NLRP1: variants seen among roughly 807,000 people sequenced by gnomAD.
NLRP1 encodes NACHT, LRR and PYD domains-containing protein 1.
NLRP1 carries 94 observed loss-of-function variants against 136.7 expected under a neutral mutation model. That is an observed-to-expected ratio of 0.69 (90% CI 0.58 to 0.82). The LOEUF (loss-of-function observed/expected upper bound fraction) is 0.82. Among genes scored for constraint, NLRP1 ranks in the 40% least tolerant of loss-of-function variants. NLRP1 has a pLI of 0.00. For synonymous variants in NLRP1, 690 were observed against 725.1 expected (o/e 0.95, Z 0.78); for missense variants, 1,575 against 1,802.7 (o/e 0.87, Z 2.29).
At chr17:5,507,406 G>C (rs1420151077) in intron 15 of NLRP1, among the ~76,000 whole-genome samples, 1 of 152,142 alleles carries the variant, frequency 6.6e-6, no homozygotes, top group African/African-American at 2.4e-5. Flanking sequence ...AAAGAATCAA[G>C]AAATTCAGCC....
intron 5 of NLRP1, among the ~76,000 whole-genome samples, chr17:5,551,139 C>T (rs8077225): frequency 0.068 from 10,280 of 152,158 alleles, 468 homozygotes; most frequent in African/African-American, 0.12. Context: ...TGAACGATTA[C>T]AGTATATAGA....
intron 8 of NLRP1, 116 bp from the exon 9 acceptor site, chr17:5,534,104 G>A (rs896494014): frequency 3.8e-5 from 30 of 782,270 alleles, no homozygotes; most frequent in East Asian, 9.9e-5. Context: ...GCTCATGTCT[G>A]TAATCCTCGC....
rs984337509 is a variant in NLRP1, at chr17:5,582,566, C to G, written c.448+104G>C. 3 of 1,098,306 alleles carry G rather than the reference C, an allele frequency of 2.7e-6. No individual in the cohort carries two copies. The African/African-American group carries it at 4.7e-5, about 17-fold the overall frequency. 68.0% of individuals were successfully genotyped at this position (1,098,306 alleles called of 1,614,324 possible). A position where few individuals can be genotyped will look rare whatever the true frequency, so the allele number is the denominator to read the frequency against. ...GGCTCCCCTATCCTTCCTCTGCTGTCCCCCATGTCAGGTCCCCATGCACAG... is the reference window on the plus strand; with the variant it reads ...GGCTCCCCTATCCTTCCTCTGCTGTGCCCCATGTCAGGTCCCCATGCACAG... On this transcript the variant is annotated intron_variant, in intron 2 of 16. Coordinates refer to ENST00000572272, the MANE Select transcript of NLRP1 (RefSeq NM_033004.4).
intron 4 of NLRP1, among the ~76,000 whole-genome samples, chr17:5,555,017 T>TCACA (rs55705436): frequency 0.06 from 8,518 of 142,244 alleles, 413 homozygotes; most frequent in African/African-American, 0.13. Context: ...TGAGATCCCA[T>TCACA]CACACACACA....
chr17:5,559,616 G>T lies in NLRP1; in HGVS notation c.1080C>A (p.Arg360=). The stretch of plus-strand genomic sequence containing the variant: ...AGCTGAAGTAGAAGACATGCTGGAA[G>T]CGGTCCCCATACAGCTGGCCTCTCC... ...AWGRGQLYGD[R]FQHVFYFSCR... is the part of the protein sequence containing the mutation. The change falls in exon 4 of 17, where the codon CGC becomes CGA. Residue 360 remains arginine (R), a synonymous_variant. Coordinates refer to ENST00000572272, the MANE Select transcript of NLRP1 (RefSeq NM_033004.4). 3 of 1,614,234 alleles carry T rather than the reference G, an allele frequency of 1.9e-6. No homozygotes were observed. Among genetic ancestry groups the T allele is most frequent in the Non-Finnish European group, 2.5e-6 (3 of 1,180,044 alleles).
At chr17:5,552,505 C>T (rs1294199864) in intron 5 of NLRP1, among the ~76,000 whole-genome samples, 2 of 152,170 alleles carry the variant, frequency 1.3e-5, no homozygotes, top group Non-Finnish European at 2.9e-5. Flanking sequence ...CACGAGATCA[C>T]ACTCATGACA....
chr17:5,558,278 A>T (rs930837096), intron 4 of NLRP1, 61 bp downstream of exon 4: 2 of 1,522,920 alleles, frequency 1.3e-6, no homozygotes, highest in African/African-American at 1.4e-5. Context: ...TCTGGTGCTC[A>T]GGTCACTCGG....
intron 5 of NLRP1, among the ~76,000 whole-genome samples, chr17:5,544,245 T>C (rs1912257747): frequency 6.6e-6 from 1 of 151,988 alleles, no homozygotes; most frequent in Non-Finnish European, 1.5e-5. Context: ...CATGGGTAGG[T>C]TGGGGTGGGG....
intron 14 of NLRP1, among the ~76,000 whole-genome samples, chr17:5,519,806 T>G (rs1194185476): frequency 6.7e-6 from 1 of 148,656 alleles, no homozygotes; most frequent in Non-Finnish European, 1.5e-5. Flanking sequence ...TCATTCGTTC[T>G]CACCCAGCAG....
intron 15 of NLRP1, among the ~76,000 whole-genome samples, chr17:5,507,261 T>C (rs1034183752): frequency 5.9e-5 from 9 of 152,072 alleles, no homozygotes; most frequent in Admixed American, 3.9e-4. Context: ...ACTAAAATAA[T>C]GAAAAAATAA....
At chr17:5,502,996 A>C (rs974007501) in intron 15 of NLRP1, 3 of 152,580 alleles carry the variant, frequency 2.0e-5, no homozygotes, top group African/African-American at 7.2e-5. Flanking sequence ...GGTGTGAATG[A>C]ATAATGGACT....
At chr17:5,582,996 G>T (rs956999943) in intron 1 of NLRP1, 150 bp from the exon 2 acceptor site, 1 of 638,114 alleles carries the variant, frequency 1.6e-6, no homozygotes, top group Non-Finnish European at 2.7e-6. Flanking sequence ...CTAGAGGCTT[G>T]TCTGAAGAAT....
At chr17:5,521,147 C>G (rs753439993) in intron 13 of NLRP1, 135 bp from the exon 14 acceptor site, 22 of 847,034 alleles carry the variant, frequency 2.6e-5, no homozygotes, top group Admixed American at 2.3e-4. Context: ...TCCCCCCATG[C>G]ACTGCTACAG....
chr17:5,521,569 G>C lies in NLRP1; in HGVS notation c.3738C>G (p.Val1246=), dbSNP rs1440960978. The change falls in exon 13 of 17, where the codon GTC becomes GTG. Residue 1246 remains valine (V), a synonymous_variant. Coordinates refer to ENST00000572272, the MANE Select transcript of NLRP1 (RefSeq NM_033004.4). ...LLYHRVHPEE[V]TFHLYLIPSD... ...TTGGGATCAGGTAGAGGTGGAAGGT[G>C]ACTTCCTCAGGATGGACGCGGTGGT... The C allele has an allele frequency of 2.5e-6, 4 of 1,614,108 alleles. No homozygotes were observed. Among genetic ancestry groups the C allele is most frequent in the Non-Finnish European group, 3.4e-6 (4 of 1,179,992 alleles).
At chr17:5,566,188 G>T (rs998908231) in intron 3 of NLRP1, among the ~76,000 whole-genome samples, 6 of 151,310 alleles carry the variant, frequency 4.0e-5, no homozygotes, top group African/African-American at 1.2e-4. Context: ...TCTGATCTTT[G>T]TTATTTCTTT....
chr17:5,567,272 T>C (rs912018959), intron 3 of NLRP1, among the ~76,000 whole-genome samples: 1 of 152,096 alleles, frequency 6.6e-6, no homozygotes, highest in Non-Finnish European at 1.5e-5. Context: ...CTAGTGAAGA[T>C]GATTTTCTCT....
At chr17:5,519,200 C>T (rs1441122181) in intron 14 of NLRP1, among the ~76,000 whole-genome samples, 3 of 151,948 alleles carry the variant, frequency 2.0e-5, no homozygotes, top group African/African-American at 7.3e-5. Flanking sequence ...GATGGGGTTT[C>T]ACTGTGTTAG....
chr17:5,562,969 C>T (rs1192999245), intron 3 of NLRP1, among the ~76,000 whole-genome samples: 1 of 152,228 alleles, frequency 6.6e-6, no homozygotes, highest in Non-Finnish European at 1.5e-5. Context: ...TACCAGCCTT[C>T]TAGAGTTAGA....
chr17:5,555,550 A>G (rs1913937966), intron 4 of NLRP1, among the ~76,000 whole-genome samples: 1 of 151,716 alleles, frequency 6.6e-6, no homozygotes, highest in Non-Finnish European at 1.5e-5. Flanking sequence ...CCCAGCCCCC[A>G]TCCCCCGGCC....
Sources: allele counts gnomAD v4.1 joint callset (sites outside exome capture counted in the v4.1 genomes callset), GRCh38; gene constraint gnomAD v4.1.1; transcripts MANE v1.5; gene names NCBI Gene and HGNC (gene_info 2026-07-23, HGNC 2026-07-21).